The following C1orf146 variants were observed in gnomAD, a reference collection of about 807,000 sequenced individuals.
The protein encoded by C1orf146 is protein SPO16 homolog.
A neutral mutation model predicts 23.0 loss-of-function variants in C1orf146; 22 were observed. The ratio of observed to expected loss-of-function variants is 0.96; its 90% CI spans 0.68 to 1.36. The LOEUF (loss-of-function observed/expected upper bound fraction) is 1.36, where lower values mean the gene tolerates loss of function less well. Ranked by LOEUF, C1orf146 falls within the 40% of genes most tolerant of loss-of-function variation. The probability of loss-of-function intolerance (pLI) is 0.00; values close to 1 mark genes in which losing one functional copy is unlikely to be tolerated. For synonymous variants in C1orf146, 59 were observed against 65.3 expected (o/e 0.90, Z 0.47); for missense variants, 199 against 206.8 (o/e 0.96, Z 0.23).
At chr1:92,237,201 T>G (rs960824975) in intron 2 of C1orf146, among the ~76,000 whole-genome samples, 4 of 152,176 alleles carry the variant, frequency 2.6e-5, no homozygotes, top group Admixed American at 2.0e-4. Flanking sequence ...AGAGTTTCCA[T>G]TTTTTCTGCT....
chr1:92,245,470 T>C (rs774544111), intron 5 of C1orf146, 70 bp from the exon 6 acceptor site: 58 of 1,244,466 alleles, frequency 4.7e-5, no homozygotes, highest in Non-Finnish European at 6.1e-5. Flanking sequence ...AAGTCAGGTA[T>C]TTTTAAATGT....
At position 92,231,384 on chromosome 1, in the gene C1orf146, T is replaced by C. The variant is rs376466599; in HGVS notation, c.-37T>C. ...CTTTGTGTTCTTAATTTTCTCAGAT[T>C]GTTGCACCATTAGAAGCTAGGTTGA... On this transcript the variant is annotated splice_region_variant and 5_prime_UTR_variant, in exon 2 of 6. Coordinates refer to ENST00000370375, the MANE Select transcript of C1orf146 (RefSeq NM_001012425.2). 89 of 1,428,434 alleles carry C rather than the reference T, an allele frequency of 6.2e-5. No homozygotes were observed. Among genetic ancestry groups the C allele is most frequent in the Non-Finnish European group, 8.2e-5 (85 of 1,041,114 alleles). 88.5% of individuals were successfully genotyped at this position (1,428,434 alleles called of 1,614,324 possible).
At chr1:92,218,930 T>C (rs556561020) in intron 1 of C1orf146, among the ~76,000 whole-genome samples, 1 of 152,316 alleles carries the variant, frequency 6.6e-6, no homozygotes, top group African/African-American at 2.4e-5. Context: ...ATTCCTCACC[T>C]TTAACAGGGA....
At position 92,225,203 on chromosome 1, in the gene C1orf146, T is replaced by A. The variant is rs542534353; in HGVS notation, c.-39-6179T>A. The stretch of plus-strand genomic sequence containing the variant: ...AGCAGTCATCTCAACCTCCCCAGGC[T>A]CAGGTGATCCTCCCTCCTCAGCCTC... On this transcript the variant is annotated intron_variant, in intron 1 of 5. Coordinates refer to ENST00000370375, the MANE Select transcript of C1orf146 (RefSeq NM_001012425.2). 6.7e-4 allele frequency among the ~76,000 whole-genome samples: 99 copies of A among 148,496 alleles called. 1 individual carries two copies. Among genetic ancestry groups the A allele is most frequent in the Non-Finnish European group, 1.3e-3 (85 of 67,512 alleles).
chr1:92,233,838 G>C (rs888505830), intron 2 of C1orf146, among the ~76,000 whole-genome samples: 1 of 151,980 alleles, frequency 6.6e-6, no homozygotes, highest in African/African-American at 2.4e-5. Context: ...CCCTTGTAAG[G>C]TGGATTCCTA....
intron 1 of C1orf146, among the ~76,000 whole-genome samples, chr1:92,229,759 A>G (rs1652063967): frequency 6.7e-6 from 1 of 149,886 alleles, no homozygotes; most frequent in South Asian, 2.1e-4. Flanking sequence ...AGTCACAAAC[A>G]GGTAGAAAAT....
At chr1:92,235,302 A>G (rs1652247497) in intron 2 of C1orf146, among the ~76,000 whole-genome samples, 1 of 152,082 alleles carries the variant, frequency 6.6e-6, no homozygotes, top group African/African-American at 2.4e-5. Context: ...AGATTCTGGT[A>G]TGTTGCGTCT....
chr1:92,245,742 ATATC>A lies in C1orf146; in HGVS notation c.*72_*75del, dbSNP rs1219060329. ...AGACCTGTTAAATTATAATATTCAA[ATATC>A]TATTTAAAGACATTTATATTAATTT... is the stretch of plus-strand genomic sequence containing the variant. On this transcript the variant is annotated 3_prime_UTR_variant, in exon 6 of 6. Transcript: ENST00000370375. The A allele has an allele frequency of 4.3e-6, 4 of 934,226 alleles. No homozygotes were observed. Among genetic ancestry groups the A allele is most frequent in the East Asian group, 2.9e-5 (1 of 34,660 alleles). 57.9% of individuals were successfully genotyped at this position (934,226 alleles called of 1,614,324 possible). A position where few individuals can be genotyped will look rare whatever the true frequency, so the allele number is the denominator to read the frequency against.
In C1orf146 at chr1:92,244,401, AT is replaced by A; in HGVS notation, c.329+18del. 1 of 1,543,758 alleles carries A rather than the reference AT, an allele frequency of 6.5e-7. No individual in the cohort carries two copies. Among genetic ancestry groups the A allele is most frequent in the Non-Finnish European group, 8.7e-7 (1 of 1,146,830 alleles). ...TTCAGCAGAGGTATGGAAGAATAGC[AT>A]TATAGACTTATTTTTCTTATATTGT... On this transcript the variant is annotated intron_variant, in intron 4 of 5. Coordinates refer to ENST00000370375, the MANE Select transcript of C1orf146 (RefSeq NM_001012425.2).
At chr1:92,230,830 A>G (rs906291789) in intron 1 of C1orf146, among the ~76,000 whole-genome samples, 1 of 152,046 alleles carries the variant, frequency 6.6e-6, no homozygotes, top group Non-Finnish European at 1.5e-5. Flanking sequence ...GATATATAGT[A>G]TTTCCCTCCA....
intron 4 of C1orf146, 88 bp from the exon 5 acceptor site, chr1:92,244,688 AAAC>A: frequency 3.5e-6 from 3 of 849,078 alleles, no homozygotes; most frequent in Non-Finnish European, 5.7e-6. Flanking sequence ...GACAAATAAC[AAAC>A]AATAGAGATT....
At chr1:92,227,514 G>A (rs1346714356) in intron 1 of C1orf146, among the ~76,000 whole-genome samples, 1 of 152,086 alleles carries the variant, frequency 6.6e-6, no homozygotes, top group Non-Finnish European at 1.5e-5. Context: ...ACTCCAGCCT[G>A]GGTGACAGAG....
At chr1:92,237,863 T>TAA (rs1274471802) in intron 2 of C1orf146, among the ~76,000 whole-genome samples, 1 of 152,252 alleles carries the variant, frequency 6.6e-6, no homozygotes, top group Non-Finnish European at 1.5e-5. Context: ...AATCAACTGT[T>TAA]AAGTGCCCCT....
At chr1:92,228,977 C>A in intron 1 of C1orf146, 1 of 450,506 alleles carries the variant, frequency 2.2e-6, no homozygotes. Flanking sequence ...TGAATTAACC[C>A]ATGCAGCAAA....
At chr1:92,243,728 A>C (rs189421621) in intron 3 of C1orf146, among the ~76,000 whole-genome samples, 1 of 152,274 alleles carries the variant, frequency 6.6e-6, no homozygotes, top group East Asian at 1.9e-4. Context: ...TGCTGAACAC[A>C]TGGAGGTGTC....
intron 1 of C1orf146, among the ~76,000 whole-genome samples, chr1:92,230,465 G>C (rs890852828): frequency 6.6e-6 from 1 of 151,824 alleles, no homozygotes; most frequent in Non-Finnish European, 1.5e-5. Context: ...ACAAAAAAAA[G>C]ATTAGCTGGG....
chr1:92,227,947 G>A lies in C1orf146; in HGVS notation c.-39-3435G>A, dbSNP rs952509601. ...TGTCTGTAGTCAATTTTGGAAAATT[G>A]ACTTGGCCACTCTATTTTTATGTAT... On this transcript the variant is annotated intron_variant, in intron 1 of 5. Coordinates refer to ENST00000370375, the MANE Select transcript of C1orf146 (RefSeq NM_001012425.2). Among the ~76,000 whole-genome samples the A allele has an allele frequency of 2.6e-5, 4 of 151,392 alleles. No individual in the cohort carries two copies. The South Asian group carries it at 8.3e-4, about 32-fold the overall frequency.
chr1:92,242,757 A>G (rs1026869789), intron 3 of C1orf146, among the ~76,000 whole-genome samples: 3 of 152,220 alleles, frequency 2.0e-5, no homozygotes, highest in Non-Finnish European at 4.4e-5. Flanking sequence ...TGAAATGACA[A>G]CTGATATAAC....
intron 3 of C1orf146, among the ~76,000 whole-genome samples, chr1:92,243,349 C>CT (rs1268188118): frequency 2.6e-5 from 4 of 151,826 alleles, no homozygotes; most frequent in South Asian, 4.2e-4. Context: ...TTATATAATT[C>CT]TTTTTTTTAT....
Sources: allele counts gnomAD v4.1 joint callset (sites outside exome capture counted in the v4.1 genomes callset), GRCh38; gene constraint gnomAD v4.1.1; transcripts MANE v1.5; gene names NCBI Gene and HGNC (gene_info 2026-07-23, HGNC 2026-07-21).